Variants in SWAP70 observed in about 807,000 individuals in gnomAD.
SWAP70 encodes the protein switch-associated protein 70.
Under a neutral mutation model 80.2 loss-of-function variants are expected in SWAP70, and 34 were observed. The observed-to-expected ratio is 0.42, with a 90% CI of 0.32 to 0.56. The LOEUF is 0.56. Among genes scored for constraint, SWAP70 ranks in the 20% least tolerant of loss-of-function variants. The pLI is 0.09. For synonymous variants in SWAP70, 239 were observed against 238.5 expected (o/e 1.00, Z -0.02); for missense variants, 578 against 690.7 (o/e 0.84, Z 1.83).
chr11:9,671,764 AT>A (rs1454543489), intron 1 of SWAP70, among the ~76,000 whole-genome samples: 1 of 27,582 alleles, frequency 3.6e-5, no homozygotes, highest in African/African-American at 8.5e-5. Flanking sequence ...ATATAAATAT[AT>A]AATATAAATA....
At chr11:9,724,614 G>T (rs778664773) in intron 3 of SWAP70, 44 bp from the exon 4 acceptor site, 4 of 1,468,738 alleles carry the variant, frequency 2.7e-6, no homozygotes, top group Non-Finnish European at 3.7e-6. Flanking sequence ...CTATGTTAAA[G>T]TTTTTTTTAA....
intron 7 of SWAP70, among the ~76,000 whole-genome samples, chr11:9,736,054 T>C (rs1297058764): frequency 6.6e-6 from 1 of 152,194 alleles, no homozygotes; most frequent in African/African-American, 2.4e-5. Flanking sequence ...TTCTTCTTTT[T>C]TATTTTCTGT....
At chr11:9,749,204 A>G (rs1275717571) in intron 11 of SWAP70, 21 bp downstream of exon 11, 2 of 1,267,850 alleles carry the variant, frequency 1.6e-6, no homozygotes, top group Non-Finnish European at 2.1e-6. Context: ...CTATGAAGTA[A>G]TCATATATTT....
At chr11:9,719,342 C>T (rs1851106593) in intron 3 of SWAP70, among the ~76,000 whole-genome samples, 1 of 152,002 alleles carries the variant, frequency 6.6e-6, no homozygotes, top group Non-Finnish European at 1.5e-5. Flanking sequence ...TCCACTGCCT[C>T]CAGCCTGGGT....
chr11:9,684,264 T>C (rs767156775), intron 1 of SWAP70, among the ~76,000 whole-genome samples: 3 of 152,114 alleles, frequency 2.0e-5, no homozygotes, highest in East Asian at 1.9e-4. Flanking sequence ...ATATTTTTCA[T>C]AGAGACAGGG....
intron 3 of SWAP70, among the ~76,000 whole-genome samples, chr11:9,718,805 A>G (rs995719541): frequency 6.6e-6 from 1 of 152,124 alleles, no homozygotes; most frequent in African/African-American, 2.4e-5. Flanking sequence ...GCCTTAATTA[A>G]TACAATGTAA....
intron 2 of SWAP70, 56 bp from the exon 3 acceptor site, chr11:9,713,410 T>A: frequency 2.6e-6 from 4 of 1,528,898 alleles, no homozygotes; most frequent in Non-Finnish European, 3.5e-6. Context: ...TTTACTTGCC[T>A]TAGATACTGC....
intron 1 of SWAP70, among the ~76,000 whole-genome samples, chr11:9,685,295 T>C (rs1393401476): frequency 1.3e-5 from 2 of 152,176 alleles, no homozygotes; most frequent in African/African-American, 4.8e-5. Flanking sequence ...AATGATCTTT[T>C]CATTTTCTAA....
intron 1 of SWAP70, among the ~76,000 whole-genome samples, chr11:9,681,489 T>C (rs756866667): frequency 3.3e-5 from 5 of 152,228 alleles, no homozygotes; most frequent in Non-Finnish European, 7.3e-5. Context: ...TAGGTAGATA[T>C]ATGGCAGAGA....
At chr11:9,737,015 C>T (rs140170887) in intron 7 of SWAP70, among the ~76,000 whole-genome samples, 6 of 152,320 alleles carry the variant, frequency 3.9e-5, no homozygotes, top group Non-Finnish European at 8.8e-5. Flanking sequence ...TTGAGACCAG[C>T]CTGGGCAACA....
At chr11:9,691,169 C>G (rs1312055250) in intron 1 of SWAP70, among the ~76,000 whole-genome samples, 1 of 152,190 alleles carries the variant, frequency 6.6e-6, no homozygotes, top group East Asian at 1.9e-4. Context: ...CCTCTTGTTT[C>G]AGCCCCCCAG....
chr11:9,675,239 A>G (rs1490598955), intron 1 of SWAP70, among the ~76,000 whole-genome samples: 1 of 151,758 alleles, frequency 6.6e-6, no homozygotes, highest in African/African-American at 2.4e-5. Flanking sequence ...GTGAGCTATG[A>G]TTGTGCCACT....
chr11:9,671,647 T>TAG (rs1850399953), intron 1 of SWAP70, among the ~76,000 whole-genome samples: 1 of 90,820 alleles, frequency 1.1e-5, no homozygotes, highest in Non-Finnish European at 2.0e-5. Context: ...TATTTCTATA[T>TAG]AAATATATTT....
intron 2 of SWAP70, among the ~76,000 whole-genome samples, chr11:9,697,823 T>A (rs941764209): frequency 8.5e-5 from 13 of 152,182 alleles, no homozygotes; most frequent in African/African-American, 3.1e-4. Context: ...CTCTGTCGCA[T>A]AGGCTGAAGT....
At chr11:9,691,953 T>C (rs1190961972) in intron 1 of SWAP70, among the ~76,000 whole-genome samples, 2 of 152,188 alleles carry the variant, frequency 1.3e-5, no homozygotes, top group African/African-American at 4.8e-5. Context: ...CCTCTATTCC[T>C]ATCCTAAAGC....
intron 7 of SWAP70, among the ~76,000 whole-genome samples, chr11:9,733,617 C>T (rs1851327853): frequency 6.6e-6 from 1 of 152,206 alleles, no homozygotes; most frequent in Non-Finnish European, 1.5e-5. Flanking sequence ...CACTTACTTT[C>T]TAAAAGCAGC....
chr11:9,718,254 T>A (rs1851090752), intron 3 of SWAP70, among the ~76,000 whole-genome samples: 1 of 152,266 alleles, frequency 6.6e-6, no homozygotes, highest in African/African-American at 2.4e-5. Flanking sequence ...TTTTACTCTC[T>A]CATCATTTCT....
Position 9,749,173 on chromosome 11 carries a change from GAT to G in SWAP70, c.1643_1644del (p.Ile548ArgfsTer12). The G allele has an allele frequency of 6.2e-7, 1 of 1,605,836 alleles. No homozygotes were observed. Among genetic ancestry groups the G allele is most frequent in the Non-Finnish European group, 8.5e-7 (1 of 1,174,370 alleles). ...VAHHEGLIRL[I>X]EPGSKNPHLI... ...CCCATCATGAAGGATTAATTCGACTGATAGAACCAGGTAACAGACTCTATGAA... is the reference window on the plus strand; with the variant it reads ...CCCATCATGAAGGATTAATTCGACTGAGAACCAGGTAACAGACTCTATGAA... On this transcript the variant is annotated frameshift_variant, in exon 11 of 12. Transcript: ENST00000318950. LOFTEE classifies it high-confidence loss of function.
At chr11:9,725,567 ATATTTT>A (rs1485176762) in intron 4 of SWAP70, among the ~76,000 whole-genome samples, 597 of 17,028 alleles carry the variant, frequency 0.035, no homozygotes, top group Admixed American at 0.051. Flanking sequence ...ATATATATAT[ATATTTT>A]TTTTTTTTTT....
Sources: allele counts gnomAD v4.1 joint callset (sites outside exome capture counted in the v4.1 genomes callset), GRCh38; gene constraint gnomAD v4.1.1; transcripts MANE v1.5; gene names NCBI Gene and HGNC (gene_info 2026-07-23, HGNC 2026-07-21).